The following STOML1 variants were observed in gnomAD, a reference collection of about 807,000 sequenced individuals.
STOML1 encodes the protein stomatin like 1, also known as stomatin-like protein 1.
In STOML1, 27 loss-of-function variants were observed where a neutral mutation model predicts 35.7. The ratio of observed to expected loss-of-function variants is 0.76; its 90% CI spans 0.56 to 1.04. The LOEUF (loss-of-function observed/expected upper bound fraction) is 1.04, where lower values mean the gene tolerates loss of function less well. Among genes scored for constraint, STOML1 ranks in the 50% least tolerant of loss-of-function variants. The pLI, the probability that STOML1 is intolerant of heterozygous loss-of-function variation, is 0.00. For synonymous variants in STOML1, 219 were observed against 227.9 expected, an observed-to-expected ratio of 0.96 and a Z score of 0.35; for missense variants, 451 against 527.1, an observed-to-expected ratio of 0.86 and a Z score of 1.41.
At position 73,985,322 on chromosome 15, in the gene STOML1, C is replaced by A; in HGVS notation, c.786G>T (p.Gly262=). The change falls in exon 5 of 7, where the codon GGG becomes GGT. Residue 262 remains glycine (G), a synonymous_variant. Transcript: ENST00000541638. ...CTCCTCCCCAGGGCTCCTCACCTGG[C>A]CCCGGGGACGGGGCACCTCCTGCCA... The part of the protein sequence containing the change: ...NSMAGGAPSP[G]PADTVEMVSE... 1.3e-6 allele frequency: 2 copies of A among 1,528,816 alleles called. No homozygotes were observed. The highest frequency in any genetic ancestry group is 1.7e-6 in the Non-Finnish European group (2 of 1,144,550). The allele number at this position is 1,528,816 out of a possible 1,614,324, so 94.7% of individuals were successfully genotyped here.
chr15:73,985,216 T>C, intron 5 of STOML1, 102 bp downstream of exon 5: 2 of 1,328,502 alleles, frequency 1.5e-6, no homozygotes, highest in South Asian at 1.6e-5. Flanking sequence ...GCTGAACATC[T>C]GTGCAGGGTG....
Position 73,992,158 on chromosome 15 carries a change from G to A in STOML1, c.66C>T (p.Ser22=). Reference sequence around the variant, plus strand: ...CCTTCTGCGAGCCCAGAAAGCCGAAGCTCGACTGCTGGAAGCGGTCAAAAT... The same window carrying A: ...CCTTCTGCGAGCCCAGAAAGCCGAAACTCGACTGCTGGAAGCGGTCAAAAT... ...LGDFDRFQQS[S]FGFLGSQKGC... The change falls in exon 1 of 7, where the codon AGC becomes AGT. Residue 22 remains serine (S), a synonymous_variant. Transcript: ENST00000541638. 1.2e-6 allele frequency: 2 copies of A among 1,609,344 alleles called. No individual in the cohort carries two copies. The highest frequency in any genetic ancestry group is 2.2e-5 in the South Asian group (2 of 90,946).
In STOML1 at chr15:73,984,669, G is replaced by T; in HGVS notation, c.993C>A (p.Asp331Glu). The T allele has an allele frequency of 6.2e-7, 1 of 1,614,138 alleles. No individual in the cohort carries two copies. Among genetic ancestry groups the T allele is most frequent in the East Asian group, 2.2e-5 (1 of 44,890 alleles). Residue 331 changes from aspartate (D) to glutamate (E), a missense_variant, in exon 6 of 7, where the codon GAC becomes GAA. Coordinates refer to ENST00000541638, the MANE Select transcript of STOML1 (RefSeq NM_004809.5). ...GGAGGGCAGCGGCACCTGTAGTGAG[G>T]TCCAGGAAGTAGGCGCTTTGGGTGC... ...PSGTQSAYFL[D>E]LTTGRGRVGH...
Position 73,984,942 on chromosome 15 carries a change from T to C in STOML1, c.791-71A>G. On this transcript the variant is annotated intron_variant, in intron 5 of 6. Transcript: ENST00000541638. Reference sequence around the variant, plus strand: ...ATCGTGTTGCCAAGGTCAGGACCACTCACTGTGGCCTCTGCACCTTTTGTG... The same window carrying C: ...ATCGTGTTGCCAAGGTCAGGACCACCCACTGTGGCCTCTGCACCTTTTGTG... 1.9e-6 allele frequency: 3 copies of C among 1,561,782 alleles called. No homozygotes were observed. The South Asian group carries it at 3.4e-5, about 18-fold the overall frequency.
intron 5 of STOML1, among the ~76,000 whole-genome samples, 198 bp downstream of exon 5, chr15:73,985,120 T>A (rs1455784715): frequency 6.6e-6 from 1 of 152,224 alleles, no homozygotes; most frequent in African/African-American, 2.4e-5. Context: ...TCTGGTGATG[T>A]CGCCTCCTCC....
At chr15:73,989,966 C>A in intron 2 of STOML1, 1 of 204,868 alleles carries the variant, frequency 4.9e-6, no homozygotes, top group South Asian at 7.6e-5. Flanking sequence ...CTGTACCACC[C>A]CTTATGGAAA....
At chr15:73,991,414 A>T (rs1173199218) in intron 1 of STOML1, among the ~76,000 whole-genome samples, 1 of 152,246 alleles carries the variant, frequency 6.6e-6, no homozygotes. Flanking sequence ...CAGAGCACTG[A>T]GGCTCCACTT....
intron 6 of STOML1, 117 bp downstream of exon 6, chr15:73,984,542 G>A (rs1467601849): frequency 1.6e-6 from 2 of 1,233,836 alleles, no homozygotes; most frequent in African/African-American, 1.5e-5. Context: ...TGCCTGCCAT[G>A]GGTTCACCCC....
chr15:73,992,409 C>A, upstream of STOML1: 1 of 573,624 alleles, frequency 1.7e-6, no homozygotes, highest in Non-Finnish European at 2.6e-6. Context: ...TCCCCCTGCG[C>A]TGGGAGGACC....
Position 73,988,819 on chromosome 15 carries a change from TGAGA to T in STOML1, c.391-21_391-18del, listed in dbSNP as rs1260332891. On this transcript the variant is annotated intron_variant, in intron 3 of 6. Coordinates refer to ENST00000541638, the MANE Select transcript of STOML1 (RefSeq NM_004809.5). The surrounding 1 kb of genome is among the most constrained non-coding windows in gnomAD (Gnocchi z 4.8). ...AGAGGCCAGCTGTTGGGGGAGGCCATGAGAGAGAGACACTCAAGGGGCTGGGGGT... is the reference window on the plus strand; with the variant it reads ...AGAGGCCAGCTGTTGGGGGAGGCCATGAGAGACACTCAAGGGGCTGGGGGT... 2 of 1,604,752 alleles carry T rather than the reference TGAGA, an allele frequency of 1.2e-6. No individual in the cohort carries two copies. Among genetic ancestry groups the T allele is most frequent in the Non-Finnish European group, 1.7e-6 (2 of 1,172,540 alleles).
chr15:73,994,540 TC>T (rs1484203954), upstream of STOML1: 1 of 546,042 alleles, frequency 1.8e-6, no homozygotes, highest in Admixed American at 3.1e-5. Context: ...GCCCTACCTC[TC>T]CCGCTTTACC....
rs150164503 is a variant in STOML1, at chr15:73,988,738, G to C, written c.455C>G (p.Pro152Arg). ...TTTCACAGTCATCACCGACAGCACC[G>C]GGTCCCAGATGCGAAACTGGACATC... is the stretch of plus-strand genomic sequence containing the variant. The part of the protein sequence containing the change: ...GADVQFRIWD[P>R]VLSVMTVKDL... The change falls in exon 4 of 7, where the codon CCG becomes CGG. Residue 152 changes from proline (P) to arginine (R), a missense_variant. Transcript: ENST00000541638. This position sits in a 1 kb window ranked among gnomAD's most constrained non-coding sequence, Gnocchi z 4.8. The C allele has an allele frequency of 6.2e-6, 10 of 1,614,196 alleles. No homozygotes were observed. The highest frequency in any genetic ancestry group is 1.3e-5 in the African/African-American group (1 of 75,056).
rs2069236235 is a variant in STOML1, at chr15:73,990,451, G to A, written c.140C>T (p.Pro47Leu). ...ACAGAGGCAGGAGGGCCAGCTCTGGGGTACATCTGCAGGTGAGAGCAGAGG... is the reference window on the plus strand; with the variant it reads ...ACAGAGGCAGGAGGGCCAGCTCTGGAGTACATCTGCAGGTGAGAGCAGAGG... Reference protein sequence around the residue: ...RGGVGTGADVPQSWPSCLCHG... With the variant: ...RGGVGTGADVLQSWPSCLCHG... The change falls in exon 2 of 7, where the codon CCC becomes CTC. Residue 47 changes from proline (P) to leucine (L), a missense_variant. By Grantham distance (98) the Pro-to-Leu change is moderately conservative (BLOSUM62 -3). Transcript: ENST00000541638. 2 of 1,611,644 alleles carry A rather than the reference G, an allele frequency of 1.2e-6. No individual in the cohort carries two copies. The highest frequency in any genetic ancestry group is 8.5e-7 in the Non-Finnish European group (1 of 1,179,024).
Position 73,983,933 on chromosome 15 carries a change from G to C in STOML1, c.*4C>G. ...ACTGGGCTCTGGAAAGTCAGCCAAG[G>C]CTGCTACTTCAAGGCCCTGAGGACA... On this transcript the variant is annotated 3_prime_UTR_variant, in exon 7 of 7. Transcript: ENST00000541638. The C allele has an allele frequency of 1.2e-6, 2 of 1,608,220 alleles. No homozygotes were observed. The highest frequency in any genetic ancestry group is 1.7e-6 in the Non-Finnish European group (2 of 1,175,934).
rs1266457228 is a variant in STOML1 at position 73,988,569 on chromosome 15, T to C, written c.594+30A>G. On this transcript the variant is annotated intron_variant, in intron 4 of 6. Transcript: ENST00000541638. The surrounding 1 kb of genome is among the most constrained non-coding windows in gnomAD (Gnocchi z 4.8). ...GGTGGAGCCAGGCCGGTGCCACCCC[T>C]CAAGCTCCGTCTTGTGAGGGGCTGC... 2.5e-6 allele frequency: 4 copies of C among 1,613,296 alleles called. No homozygotes were observed. The Admixed American group carries it at 5.0e-5, about 20-fold the overall frequency.
intron 1 of STOML1, chr15:73,991,801 AG>A: frequency 1.7e-6 from 1 of 595,216 alleles, no homozygotes; most frequent in South Asian, 1.7e-5. Flanking sequence ...ACGTCTTCCC[AG>A]GCCTAAAGGG....
At position 73,984,055 on chromosome 15, in the gene STOML1, C is replaced by T. The variant is rs143002933; in HGVS notation, c.1079G>A (p.Arg360Gln). 9.9e-6 allele frequency: 16 copies of T among 1,614,046 alleles called. No individual in the cohort carries two copies. In the African/African-American group the frequency reaches 1.3e-4, roughly 13 times the overall value. The change falls in exon 7 of 7, where the codon CGG becomes CAG. Residue 360 changes from arginine to glutamine, a missense_variant. Physicochemically the swap from Arg to Gln is conservative, Grantham distance 43. Transcript: ENST00000541638. ...VVVEMAEADL[R>Q]ALLCRELRPL... ...CCGCAGCTCTCTGCATAGCAGGGCC[C>T]GCAGGTCTGCCTCGGCCATCTCCAC...
At position 73,988,783 on chromosome 15, in the gene STOML1, GC is replaced by G; in HGVS notation, c.409del (p.Ala137LeufsTer20). 6.2e-7 allele frequency: 1 copy of G among 1,612,828 alleles called. No individual in the cohort carries two copies. Among genetic ancestry groups the G allele is most frequent in the Admixed American group, 1.7e-5 (1 of 60,014 alleles). On this transcript the variant is annotated frameshift_variant, in exon 4 of 7. Transcript: ENST00000541638. LOFTEE classifies it high-confidence loss of function. This position sits in a 1 kb window ranked among gnomAD's most constrained non-coding sequence, Gnocchi z 4.8. ...GACATCGGCTCCCACGGACAGCACAGCCCCGTCCTTAGAGGCCAGCTGTTGG... is the reference window on the plus strand; with the variant it reads ...GACATCGGCTCCCACGGACAGCACAGCCCGTCCTTAGAGGCCAGCTGTTGG... ...PPCKLASKDG[A>X]VLSVGADVQF...
upstream of STOML1, among the ~76,000 whole-genome samples, chr15:73,994,337 G>A (rs1227412480): frequency 1.3e-5 from 2 of 152,222 alleles, no homozygotes; most frequent in Non-Finnish European, 2.9e-5. Context: ...GGTCCCAGCT[G>A]TGGGCTCTCC....
Sources: allele counts gnomAD v4.1 joint callset (sites outside exome capture counted in the v4.1 genomes callset), GRCh38; gene constraint gnomAD v4.1.1; non-coding constraint Gnocchi (gnomAD v3.1); transcripts MANE v1.5; gene names NCBI Gene and HGNC (gene_info 2026-07-23, HGNC 2026-07-21).